The following NXPE1 variants were observed in gnomAD, a reference collection of about 807,000 sequenced individuals.
NXPE1 encodes the protein neurexophilin and PC-esterase domain family member 1.
Under a neutral mutation model 33.3 loss-of-function variants are expected in NXPE1, and 31 were observed. The ratio of observed to expected loss-of-function variants is 0.93; its 90% CI spans 0.70 to 1.26. NXPE1 has a LOEUF of 1.26. NXPE1 is among the 50% of genes most tolerant of loss of function. The pLI is 0.00. For synonymous variants in NXPE1, 229 were observed against 231.4 expected, an observed-to-expected ratio of 0.99 and a Z score of 0.09; for missense variants, 661 against 655.6, an observed-to-expected ratio of 1.01 and a Z score of -0.09.
chr11:114,543,833 T>C (rs1948184916), intron 5 of NXPE1, among the ~76,000 whole-genome samples: 1 of 152,180 alleles, frequency 6.6e-6, no homozygotes, highest in African/African-American at 2.4e-5. Context: ...ACGTAGAATC[T>C]ACCCAAAGAA....
chr11:114,545,775 G>A (rs188981413), intron 5 of NXPE1, among the ~76,000 whole-genome samples: 238 of 150,336 alleles, frequency 1.6e-3, no homozygotes, highest in African/African-American at 5.4e-3. Context: ...TGTAACCTCC[G>A]CCTTCCAGGT....
chr11:114,534,448 G>A (rs1367404579), intron 5 of NXPE1, among the ~76,000 whole-genome samples: 6 of 152,206 alleles, frequency 3.9e-5, no homozygotes, highest in African/African-American at 1.4e-4. Context: ...TGACTTTGAC[G>A]AGTTGAGAGA....
intron 5 of NXPE1, among the ~76,000 whole-genome samples, chr11:114,545,791 C>T (rs534007535): frequency 7.9e-5 from 12 of 151,562 alleles, no homozygotes; most frequent in East Asian, 7.8e-4. Flanking sequence ...CAGGTTCAAG[C>T]GATTCTCCTA....
chr11:114,552,281 T>C (rs184409266), intron 2 of NXPE1, among the ~76,000 whole-genome samples, 196 bp from the exon 3 acceptor site: 25 of 152,266 alleles, frequency 1.6e-4, no homozygotes, highest in Non-Finnish European at 3.2e-4. Context: ...AGGTGTTGAG[T>C]GTTGAGACCA....
At chr11:114,529,892 C>T in intron 6 of NXPE1, 1 of 347,426 alleles carries the variant, frequency 2.9e-6, no homozygotes. Context: ...GGTGAAGGAG[C>T]ATGGATGTTA....
At chr11:114,556,013 G>A (rs1948639316) in intron 1 of NXPE1, among the ~76,000 whole-genome samples, 1 of 152,066 alleles carries the variant, frequency 6.6e-6, no homozygotes, top group African/African-American at 2.4e-5. Context: ...TTTCTTTTTG[G>A]TAAGTACCTA....
intron 5 of NXPE1, among the ~76,000 whole-genome samples, chr11:114,537,962 C>T (rs1437097448): frequency 6.6e-6 from 1 of 152,202 alleles, no homozygotes; most frequent in Non-Finnish European, 1.5e-5. Context: ...AAAAAGCCCA[C>T]ATTGCCAAGT....
In NXPE1 at chr11:114,530,053, A is replaced by G. The variant is rs559146808; in HGVS notation, c.833+122T>C. The G allele has an allele frequency of 3.9e-5, 40 of 1,025,120 alleles. No individual in the cohort carries two copies. The South Asian group carries it at 6.3e-4, about 16-fold the overall frequency. The allele number at this position is 1,025,120 out of a possible 1,614,324, so 63.5% of individuals were successfully genotyped here. Reference sequence around the variant, plus strand: ...TGAGTAGAGGCCCCAAGAAGACACCACATGTCTTACCTTGAGTACAGGAGG... The same window carrying G: ...TGAGTAGAGGCCCCAAGAAGACACCGCATGTCTTACCTTGAGTACAGGAGG... On this transcript the variant is annotated intron_variant, in intron 6 of 8. Transcript: ENST00000534921.
intron 8 of NXPE1, 49 bp downstream of exon 8, chr11:114,522,830 A>G (rs200245492): frequency 7.3e-7 from 1 of 1,365,736 alleles, no homozygotes; most frequent in Non-Finnish European, 1.0e-6. Context: ...CATTAAAAGT[A>G]CTTTAAAACC....
chr11:114,533,875 C>A (rs1947687119), intron 5 of NXPE1, among the ~76,000 whole-genome samples: 1 of 152,188 alleles, frequency 6.6e-6, no homozygotes. Context: ...CACAGACAAA[C>A]AAAAGACAGC....
At chr11:114,557,655 AT>A (rs1948686744) in intron 1 of NXPE1, among the ~76,000 whole-genome samples, 1 of 141,738 alleles carries the variant, frequency 7.1e-6, no homozygotes, top group Non-Finnish European at 1.5e-5. Context: ...ATATATATAT[AT>A]ATATATATAT....
At chr11:114,520,446 T>C (rs1287309507), downstream of NXPE1, among the ~76,000 whole-genome samples, 1 of 152,244 alleles carries the variant, frequency 6.6e-6, no homozygotes, top group Non-Finnish European at 1.5e-5. Flanking sequence ...TATAGCAGCA[T>C]CTCCTTTTGT....
downstream of NXPE1, among the ~76,000 whole-genome samples, chr11:114,519,696 G>A (rs1008535562): frequency 1.3e-5 from 2 of 152,058 alleles, no homozygotes; most frequent in Non-Finnish European, 2.9e-5. Context: ...GTGGTGCAGA[G>A]GCTTCAGAGA....
exon 6 of NXPE1, chr11:114,530,858 G>T (rs543438905): frequency 6.2e-7 from 1 of 1,613,706 alleles, no homozygotes; most frequent in Non-Finnish European, 8.5e-7. Flanking sequence ...AGGACTTTGC[G>T]GAGTTGTTCC....
chr11:114,551,231 A>G lies in NXPE1; in HGVS notation c.-10-20T>C. 3 of 1,456,072 alleles carry G rather than the reference A, an allele frequency of 2.1e-6. No individual in the cohort carries two copies. Among genetic ancestry groups the G allele is most frequent in the Non-Finnish European group, 1.9e-6 (2 of 1,074,972 alleles). The allele number at this position is 1,456,072 out of a possible 1,614,324, so 90.2% of individuals were successfully genotyped here. A position where few individuals can be genotyped will look rare whatever the true frequency, so the allele number is the denominator to read the frequency against. ...AATGTCCTAGGAGAGATGACACAAG[A>G]GAGGAGTCGTGAGAAGTGAATCTCT... is the stretch of plus-strand genomic sequence containing the variant. On this transcript the variant is annotated intron_variant, in intron 4 of 8. Coordinates refer to ENST00000534921, the Ensembl canonical transcript of NXPE1.
chr11:114,558,952 A>G (rs114196111), intron 1 of NXPE1, among the ~76,000 whole-genome samples: 133 of 152,292 alleles, frequency 8.7e-4, no homozygotes, highest in African/African-American at 3.0e-3. Context: ...TTACTATGAA[A>G]TGGTTAAGAA....
chr11:114,535,387 A>C (rs1947772141), intron 5 of NXPE1, among the ~76,000 whole-genome samples: 2 of 152,214 alleles, frequency 1.3e-5, no homozygotes, highest in Admixed American at 6.5e-5. Flanking sequence ...CGAGCAAAAT[A>C]ACCAGCTAAC....
At chr11:114,528,892 T>C (rs1947466105) in intron 6 of NXPE1, 1 of 600,458 alleles carries the variant, frequency 1.7e-6, no homozygotes, top group African/African-American at 1.8e-5. Flanking sequence ...ATAAGGATGG[T>C]TGATGGGTAG....
At chr11:114,546,196 T>G (rs1255350069) in intron 5 of NXPE1, among the ~76,000 whole-genome samples, 1 of 152,202 alleles carries the variant, frequency 6.6e-6, no homozygotes, top group African/African-American at 2.4e-5. Context: ...ATATAAGCAC[T>G]GTACTCTCAG....
Sources: allele counts gnomAD v4.1 joint callset (sites outside exome capture counted in the v4.1 genomes callset), GRCh38; gene constraint gnomAD v4.1.1; transcripts MANE v1.5; gene names NCBI Gene and HGNC (gene_info 2026-07-23, HGNC 2026-07-21).